The following SLC4A10 variants were observed in gnomAD, a reference collection of about 807,000 sequenced individuals.
The protein encoded by SLC4A10 is solute carrier family 4 member 10.
In SLC4A10, 42 loss-of-function variants were observed where a neutral mutation model predicts 137.7. The observed-to-expected ratio is 0.30, with a 90% CI of 0.24 to 0.39. The LOEUF is 0.39. SLC4A10 is among the 10% of genes least tolerant of loss of function. The pLI is 1.00. For synonymous variants in SLC4A10, 474 were observed against 464.1 expected (o/e 1.02, Z -0.27); for missense variants, 925 against 1,355.0 (o/e 0.68, Z 4.98).
Position 161,983,297 on chromosome 2 carries a change from T to C in SLC4A10, c.*145T>C. On this transcript the variant is annotated 3_prime_UTR_variant, in exon 27 of 27. Coordinates refer to ENST00000446997, the MANE Select transcript of SLC4A10 (RefSeq NM_001178015.2). ...ATATATGAGAAGAGTGTCACAATTATTAATAAAACTGCTTTGATCATGTAT... is the reference window on the plus strand; with the variant it reads ...ATATATGAGAAGAGTGTCACAATTACTAATAAAACTGCTTTGATCATGTAT... 6.8e-7 allele frequency: 1 copy of C among 1,463,256 alleles called. No individual in the cohort carries two copies. The highest frequency in any genetic ancestry group is 9.2e-7 in the Non-Finnish European group (1 of 1,083,836). The allele number at this position is 1,463,256 out of a possible 1,614,324, so 90.6% of individuals were successfully genotyped here.
chr2:161,903,892 C>T (rs905822900), intron 12 of SLC4A10, 112 bp from the exon 13 acceptor site: 1 of 1,070,772 alleles, frequency 9.3e-7, no homozygotes, highest in Non-Finnish European at 1.3e-6. Flanking sequence ...GTGTGTCTCA[C>T]CTCTGCTGAT....
chr2:161,921,541 G>A (rs1688132151), intron 15 of SLC4A10, among the ~76,000 whole-genome samples: 1 of 152,158 alleles, frequency 6.6e-6, no homozygotes, highest in Non-Finnish European at 1.5e-5. Context: ...TGGAAAAAAT[G>A]AAAAACAAAA....
At chr2:161,831,993 A>T (rs1485373049) in intron 3 of SLC4A10, among the ~76,000 whole-genome samples, 1 of 152,126 alleles carries the variant, frequency 6.6e-6, no homozygotes, top group Non-Finnish European at 1.5e-5. Flanking sequence ...TCGTGAACAC[A>T]CTAGGAAGAT....
At chr2:161,664,323 AAT>A (rs1461597579) in intron 1 of SLC4A10, among the ~76,000 whole-genome samples, 2 of 152,014 alleles carry the variant, frequency 1.3e-5, no homozygotes, top group Non-Finnish European at 2.9e-5. Context: ...TGGGCTAACA[AAT>A]AGTCAGAACA....
intron 8 of SLC4A10, among the ~76,000 whole-genome samples, chr2:161,878,036 A>G (rs905839734): frequency 4.6e-5 from 7 of 152,100 alleles, no homozygotes; most frequent in Admixed American, 4.6e-4. Context: ...GTCACTAAGT[A>G]TTACTATGGA....
At chr2:161,761,224 C>A (rs1010153998) in intron 1 of SLC4A10, among the ~76,000 whole-genome samples, 1 of 151,950 alleles carries the variant, frequency 6.6e-6, no homozygotes, top group Non-Finnish European at 1.5e-5. Flanking sequence ...CTTTCTGATG[C>A]CTTCCAGAAT....
chr2:161,798,102 T>C (rs1305501682), intron 2 of SLC4A10, among the ~76,000 whole-genome samples: 1 of 152,004 alleles, frequency 6.6e-6, no homozygotes, highest in Non-Finnish European at 1.5e-5. Flanking sequence ...GTCTCTTTGT[T>C]TCTCTGTTAC....
At chr2:161,638,882 A>AG (rs973808008) in intron 1 of SLC4A10, among the ~76,000 whole-genome samples, 1 of 151,110 alleles carries the variant, frequency 6.6e-6, no homozygotes, top group African/African-American at 2.4e-5. Context: ...AAGATAAAAA[A>AG]AGACAAATTT....
At chr2:161,940,515 A>G (rs1301765608) in intron 15 of SLC4A10, among the ~76,000 whole-genome samples, 1 of 152,186 alleles carries the variant, frequency 6.6e-6, no homozygotes, top group Non-Finnish European at 1.5e-5. Flanking sequence ...AGTCACTTAC[A>G]GAGAAACACA....
intron 1 of SLC4A10, among the ~76,000 whole-genome samples, chr2:161,676,095 G>A (rs1010301463): frequency 1.3e-5 from 2 of 152,208 alleles, no homozygotes; most frequent in Non-Finnish European, 2.9e-5. Flanking sequence ...ACTTGAAATT[G>A]TAGGTAAACA....
At chr2:161,816,427 C>T (rs1474428533) in intron 3 of SLC4A10, among the ~76,000 whole-genome samples, 1 of 152,002 alleles carries the variant, frequency 6.6e-6, no homozygotes, top group African/African-American at 2.4e-5. Flanking sequence ...AATTATGAAG[C>T]AAGCATCAAT....
intron 1 of SLC4A10, among the ~76,000 whole-genome samples, chr2:161,705,264 A>C (rs780227475): frequency 2.0e-5 from 3 of 151,494 alleles, no homozygotes; most frequent in Non-Finnish European, 4.4e-5. Context: ...TAGTAGGGCC[A>C]AGGAATTTTG....
At chr2:161,870,454 A>T (rs2125918701) in intron 6 of SLC4A10, among the ~76,000 whole-genome samples, 1 of 151,922 alleles carries the variant, frequency 6.6e-6, no homozygotes, top group South Asian at 2.1e-4. Context: ...ATGAATTATT[A>T]TAAGAAAGCA....
At chr2:161,851,677 T>A (rs1338237885) in intron 4 of SLC4A10, among the ~76,000 whole-genome samples, 1 of 152,108 alleles carries the variant, frequency 6.6e-6, no homozygotes, top group Admixed American at 6.6e-5. Context: ...AGAAAGGGTT[T>A]TATCATTCTA....
chr2:161,741,618 G>A (rs13014908), intron 1 of SLC4A10, among the ~76,000 whole-genome samples: 17,096 of 152,124 alleles, frequency 0.11, 1,630 homozygotes, highest in African/African-American at 0.26. Flanking sequence ...CTAGCACAAT[G>A]TACTCCAGGT....
chr2:161,838,086 T>C (rs1227802963), intron 3 of SLC4A10, among the ~76,000 whole-genome samples: 2 of 152,204 alleles, frequency 1.3e-5, no homozygotes, highest in East Asian at 3.8e-4. Flanking sequence ...TGTTATAGTA[T>C]CCTGGACTGA....
chr2:161,843,286 G>T (rs990267045), intron 4 of SLC4A10, among the ~76,000 whole-genome samples: 1 of 152,140 alleles, frequency 6.6e-6, no homozygotes, highest in African/African-American at 2.4e-5. Flanking sequence ...AGTTGAGCAG[G>T]TAGGTTTTTG....
chr2:161,856,956 T>C (rs1186005816), intron 5 of SLC4A10, among the ~76,000 whole-genome samples: 1 of 152,182 alleles, frequency 6.6e-6, no homozygotes, highest in Non-Finnish European at 1.5e-5. Context: ...GAAACAAAAC[T>C]GTCACATTCT....
chr2:161,837,853 G>A (rs374401062), intron 3 of SLC4A10, among the ~76,000 whole-genome samples: 3 of 152,134 alleles, frequency 2.0e-5, no homozygotes, highest in Admixed American at 6.5e-5. Flanking sequence ...TAGGTCATGA[G>A]GGTGAAGCCC....
Sources: allele counts gnomAD v4.1 joint callset (sites outside exome capture counted in the v4.1 genomes callset), GRCh38; gene constraint gnomAD v4.1.1; transcripts MANE v1.5; gene names NCBI Gene and HGNC (gene_info 2026-07-23, HGNC 2026-07-21).